The following CTNND1 variants were observed in gnomAD, a reference collection of about 807,000 sequenced individuals.
CTNND1 encodes catenin delta-1.
A neutral mutation model predicts 112.1 loss-of-function variants in CTNND1; 16 were observed. The observed-to-expected ratio is 0.14, with a 90% CI of 0.10 to 0.22. CTNND1 has a LOEUF of 0.22. CTNND1 is among the 10% of genes least tolerant of loss of function. The pLI is 1.00. For synonymous variants in CTNND1, 420 were observed against 446.5 expected, an observed-to-expected ratio of 0.94 and a Z score of 0.75; for missense variants, 1,008 against 1,257.0, an observed-to-expected ratio of 0.80 and a Z score of 3.00.
rs997424099 is a variant in CTNND1, at chr11:57,788,539, G to A, written c.-213-498G>A. Among the ~76,000 whole-genome samples, 1 of 152,188 alleles carries A rather than the reference G, an allele frequency of 6.6e-6. No homozygotes were observed. Among genetic ancestry groups the A allele is most frequent in the African/African-American group, 2.4e-5 (1 of 41,440 alleles). ...TGTGCTTGGTGGGGCTCTGGGGAGC[G>A]TGGGAAAGGGAACTGAAGCAAAAGG... On this transcript the variant is annotated intron_variant, in intron 1 of 20. Coordinates refer to ENST00000399050, the MANE Select transcript of CTNND1 (RefSeq NM_001085458.2). This position sits in a 1 kb window ranked among gnomAD's most constrained non-coding sequence, Gnocchi z 4.1.
chr11:57,777,613 TTG>T (rs2059154163), intron 1 of CTNND1, among the ~76,000 whole-genome samples: 1 of 152,184 alleles, frequency 6.6e-6, no homozygotes, highest in Non-Finnish European at 1.5e-5. Flanking sequence ...CTTAGTTCCT[TTG>T]TATCATGTGC....
chr11:57,809,554 C>G, intron 15 of CTNND1, 88 bp downstream of exon 15: 1 of 1,211,996 alleles, frequency 8.3e-7, no homozygotes, highest in African/African-American at 1.5e-5. Flanking sequence ...AAGGAAATTT[C>G]CCCTTATTTA....
chr11:57,804,361 C>T (rs1427979202), intron 8 of CTNND1, among the ~76,000 whole-genome samples: 2 of 152,120 alleles, frequency 1.3e-5, no homozygotes, highest in African/African-American at 2.4e-5. Context: ...CTTTGGAATA[C>T]ACCTCTGTGT....
rs1466506326 is a variant in CTNND1 at position 57,817,178 on chromosome 11, T to G, written c.*870T>G. ...GTGTTTTTGGGAAGAAGAAGACCTC[T>G]AGGAGGAGCTAGTAGGAATGTACAT... On this transcript the variant is annotated 3_prime_UTR_variant, in exon 21 of 21. Transcript: ENST00000399050. 6.5e-6 allele frequency: 1 copy of G among 152,826 alleles called. No individual in the cohort carries two copies. Among genetic ancestry groups the G allele is most frequent in the Non-Finnish European group, 1.5e-5 (1 of 68,196 alleles). The allele number at this position is 152,826 out of a possible 1,614,324, so 9.5% of individuals were successfully genotyped here.
chr11:57,781,317 A>G (rs978773923), intron 1 of CTNND1, among the ~76,000 whole-genome samples: 1 of 152,188 alleles, frequency 6.6e-6, no homozygotes, highest in African/African-American at 2.4e-5. Context: ...AAGCTTTTCC[A>G]TGAATATTTT....
rs186352745 is a variant in CTNND1 at position 57,770,382 on chromosome 11, C to T, written c.-214+8263C>T. Among the ~76,000 whole-genome samples the T allele has an allele frequency of 3.1e-3, 466 of 149,260 alleles. 3 individuals carry two copies. The highest frequency in any genetic ancestry group is 5.3e-3 in the Admixed American group (79 of 14,956). ...AAGATTTTTGTTACACGGTTGGGCT[C>T]GGTGGCTCACACCTGTAATCCTAGC... is the stretch of plus-strand genomic sequence containing the variant. On this transcript the variant is annotated intron_variant, in intron 1 of 20. Transcript: ENST00000399050.
Position 57,795,709 on chromosome 11 carries a change from A to G in CTNND1, c.400A>G (p.Thr134Ala), listed in dbSNP as rs1055430896. The G allele has an allele frequency of 6.2e-7, 1 of 1,601,886 alleles. No homozygotes were observed. Among genetic ancestry groups the G allele is most frequent in the Non-Finnish European group, 8.5e-7 (1 of 1,176,128 alleles). ...TGTGGAGACCTCAGATGATGGGACC[A>G]CTCGGCGCACAGAGACCACGGTAAA... ...VSVETSDDGTTRRTETTVKKV... is the reference protein window; with the variant it reads ...VSVETSDDGTARRTETTVKKV... Residue 134 changes from threonine (T) to alanine (A), a missense_variant, in exon 5 of 21, where the codon ACT becomes GCT. Transcript: ENST00000399050.
At chr11:57,771,504 A>C (rs746141657) in intron 1 of CTNND1, among the ~76,000 whole-genome samples, 1 of 152,138 alleles carries the variant, frequency 6.6e-6, no homozygotes, top group Non-Finnish European at 1.5e-5. Flanking sequence ...AGTCATGTAG[A>C]TATGAGGAGT....
chr11:57,787,344 A>C (rs1441124119), intron 1 of CTNND1, among the ~76,000 whole-genome samples: 1 of 152,188 alleles, frequency 6.6e-6, no homozygotes, highest in Non-Finnish European at 1.5e-5. Flanking sequence ...CTTAGAACCT[A>C]GTTATGTTTT....
rs747909504 is a variant in CTNND1 at position 57,791,439 on chromosome 11, C to G, written c.-40C>G. The stretch of plus-strand genomic sequence containing the variant: ...TCTCCTTCCTCTGTGATTCACCTTC[C>G]TTTTTACCCTGCCCTGCGGCGGCTC... On this transcript the variant is annotated 5_prime_UTR_variant, in exon 3 of 21. Transcript: ENST00000399050. 1 of 1,399,342 alleles carries G rather than the reference C, an allele frequency of 7.1e-7. No individual in the cohort carries two copies. The highest frequency in any genetic ancestry group is 1.5e-5 in the African/African-American group (1 of 67,144). The allele number at this position is 1,399,342 out of a possible 1,614,324, so 86.7% of individuals were successfully genotyped here.
At chr11:57,777,037 A>G (rs1489561829) in intron 1 of CTNND1, among the ~76,000 whole-genome samples, 1 of 152,238 alleles carries the variant, frequency 6.6e-6, no homozygotes, top group Admixed American at 6.5e-5. Context: ...ATTGGATAAG[A>G]ATACTAACAG....
chr11:57,815,175 G>A (rs567140953), intron 18 of CTNND1, among the ~76,000 whole-genome samples: 3 of 152,224 alleles, frequency 2.0e-5, no homozygotes, highest in South Asian at 2.1e-4. Context: ...TGATCTGCCC[G>A]TCTCAGCTTC....
chr11:57,761,898 G>C lies in CTNND1; in HGVS notation c.-435G>C. ...GAGGGGGAAAAAAAAGAGAGAGGGA[G>C]AGAGAGAGAAAGAAGAGCAGGAAAG... On this transcript the variant is annotated 5_prime_UTR_variant, in exon 1 of 21. Coordinates refer to ENST00000399050, the MANE Select transcript of CTNND1 (RefSeq NM_001085458.2). 2 of 985,318 alleles carry C rather than the reference G, an allele frequency of 2.0e-6. No homozygotes were observed. The highest frequency in any genetic ancestry group is 2.4e-6 in the Non-Finnish European group (2 of 829,928). The allele number at this position is 985,318 out of a possible 1,614,324, so 61.0% of individuals were successfully genotyped here.
intron 17 of CTNND1, 143 bp downstream of exon 17, chr11:57,811,629 G>T: frequency 1.7e-6 from 1 of 605,506 alleles, no homozygotes; most frequent in Non-Finnish European, 2.9e-6. Flanking sequence ...GGATCCTAAC[G>T]CAGAAATGGG....
chr11:57,803,963 TTC>T, intron 8 of CTNND1, 159 bp downstream of exon 8: 1 of 555,862 alleles, frequency 1.8e-6, no homozygotes, highest in Non-Finnish European at 3.1e-6. Context: ...TTTGTTGCTA[TTC>T]TCTCATGTAT....
rs367954206 is a variant in CTNND1 at position 57,795,627 on chromosome 11, G to A, written c.318G>A (p.Gly106=). 6.8e-6 allele frequency: 11 copies of A among 1,611,158 alleles called. No homozygotes were observed. The highest frequency in any genetic ancestry group is 2.2e-5 in the East Asian group (1 of 44,806). Residue 106 remains glycine, a synonymous_variant, in exon 5 of 21, where the codon GGG becomes GGA. Transcript: ENST00000399050. ...CCATCCCCAGGATGCAGGAGCCGGG[G>A]CAGATTGTGGAGACCTACACGGAGG... ...YSTIPRMQEP[G]QIVETYTEED...
intron 6 of CTNND1, among the ~76,000 whole-genome samples, chr11:57,797,636 A>T (rs2061496519): frequency 6.8e-6 from 1 of 147,340 alleles, no homozygotes; most frequent in Non-Finnish European, 1.5e-5. Flanking sequence ...TGAGGTCCGG[A>T]GTTCAAGACC....
At chr11:57,772,016 C>T (rs1366335615) in intron 1 of CTNND1, among the ~76,000 whole-genome samples, 3 of 151,706 alleles carry the variant, frequency 2.0e-5, no homozygotes, top group African/African-American at 4.8e-5. Context: ...CCGCCTCCCA[C>T]GCTCAAGCCA....
chr11:57,764,971 G>C lies in CTNND1; in HGVS notation c.-214+2852G>C, dbSNP rs118070188. ...TTTCCATAGAGCCCATGGGGAGCTGGATGTGCTAGAATGGATATTATTTTA... is the reference window on the plus strand; with the variant it reads ...TTTCCATAGAGCCCATGGGGAGCTGCATGTGCTAGAATGGATATTATTTTA... On this transcript the variant is annotated intron_variant, in intron 1 of 20. Transcript: ENST00000399050. Among the ~76,000 whole-genome samples, 174 of 152,310 alleles carry C rather than the reference G, an allele frequency of 1.1e-3. 1 individual carries two copies. The highest frequency in any genetic ancestry group is 2.1e-3 in the Non-Finnish European group (141 of 68,026).
Sources: allele counts gnomAD v4.1 joint callset (sites outside exome capture counted in the v4.1 genomes callset), GRCh38; gene constraint gnomAD v4.1.1; non-coding constraint Gnocchi (gnomAD v3.1); transcripts MANE v1.5; gene names NCBI Gene and HGNC (gene_info 2026-07-23, HGNC 2026-07-21).